Variants in TTC28 observed in about 807,000 individuals in gnomAD.
TTC28 encodes tetratricopeptide repeat domain 28.
Under a neutral mutation model 198.0 loss-of-function variants are expected in TTC28, and 61 were observed. The observed-to-expected ratio is 0.31, with a 90% CI of 0.25 to 0.38. TTC28 has a LOEUF of 0.38. TTC28 is among the 10% of genes least tolerant of loss of function. The pLI is 1.00. For synonymous variants in TTC28, 1,171 were observed against 1,297.8 expected, an observed-to-expected ratio of 0.90 and a Z score of 2.10; for missense variants, 2,678 against 3,164.0, an observed-to-expected ratio of 0.85 and a Z score of 3.69.
At chr22:28,540,533 T>TA (rs1170547486) in intron 2 of TTC28, among the ~76,000 whole-genome samples, 2 of 152,202 alleles carry the variant, frequency 1.3e-5, no homozygotes, top group African/African-American at 2.4e-5. Flanking sequence ...AAAACACTGT[T>TA]AGAGTATACA....
At chr22:28,380,791 T>C (rs2046482417) in intron 2 of TTC28, among the ~76,000 whole-genome samples, 1 of 152,180 alleles carries the variant, frequency 6.6e-6, no homozygotes. Context: ...TGATAATCTA[T>C]TTAATCCCTA....
chr22:28,655,426 G>A (rs911945169), intron 1 of TTC28, among the ~76,000 whole-genome samples: 1 of 152,128 alleles, frequency 6.6e-6, no homozygotes, highest in Admixed American at 6.5e-5. Flanking sequence ...CTGTGTCTTG[G>A]TACAGACTTC....
chr22:28,220,485 A>G (rs1927769528), intron 5 of TTC28, among the ~76,000 whole-genome samples: 1 of 152,172 alleles, frequency 6.6e-6, no homozygotes, highest in African/African-American at 2.4e-5. Flanking sequence ...GACAGCATTC[A>G]GTTCCTTGCA....
chr22:28,220,350 G>A (rs1927758181), intron 5 of TTC28, among the ~76,000 whole-genome samples: 1 of 152,224 alleles, frequency 6.6e-6, no homozygotes, highest in African/African-American at 2.4e-5. Flanking sequence ...AGTTCTGTGA[G>A]TAAGGAGTCC....
chr22:27,983,349 T>A lies in TTC28; in HGVS notation c.6318A>T (p.Pro2106=). The change falls in exon 23 of 23, where the codon CCA becomes CCT. Residue 2106 remains proline, a synonymous_variant. Transcript: ENST00000397906. ...SVSSKGSIST[P]NSPVKMTLIP... is the part of the protein sequence containing the mutation. ...TCAGAGTCATTTTCACTGGAGAATT[T>A]GGAGTGCTGATGCTCCCTTTGGAGC... 9 of 1,551,806 alleles carry A rather than the reference T, an allele frequency of 5.8e-6. No individual in the cohort carries two copies. Among genetic ancestry groups the A allele is most frequent in the Non-Finnish European group, 7.8e-6 (9 of 1,147,094 alleles).
intron 1 of TTC28, among the ~76,000 whole-genome samples, chr22:28,674,188 A>G (rs186851432): frequency 1.3e-5 from 2 of 150,838 alleles, no homozygotes; most frequent in Non-Finnish European, 2.9e-5. Context: ...AAGCGCTCAC[A>G]GGGATTTCTT....
Position 27,978,145 on chromosome 22 carries a change from T to C in TTC28, c.*4076A>G, listed in dbSNP as rs1444721794. Reference sequence around the variant, plus strand: ...AAATTTCATAATATAAAAAGTTTAATGTCTGGAAATGGTGTAATTTACAAA... The same window carrying C: ...AAATTTCATAATATAAAAAGTTTAACGTCTGGAAATGGTGTAATTTACAAA... On this transcript the variant is annotated 3_prime_UTR_variant, in exon 23 of 23. Transcript: ENST00000397906. The C allele has an allele frequency of 1.3e-5, 2 of 152,168 alleles. No homozygotes were observed. The highest frequency in any genetic ancestry group is 4.8e-5 in the African/African-American group (2 of 41,434). The allele number at this position is 152,168 out of a possible 1,614,324, so 9.4% of individuals were successfully genotyped here. A position where few individuals can be genotyped will look rare whatever the true frequency, so the allele number is the denominator to read the frequency against.
At chr22:28,303,423 T>A (rs985532674) in intron 3 of TTC28, among the ~76,000 whole-genome samples, 27 of 152,186 alleles carry the variant, frequency 1.8e-4, no homozygotes, top group African/African-American at 6.5e-4. Context: ...TATAAAATAA[T>A]ATAAGTATAT....
chr22:28,102,317 C>T (rs553751098), intron 8 of TTC28, among the ~76,000 whole-genome samples: 1 of 152,254 alleles, frequency 6.6e-6, no homozygotes, highest in Non-Finnish European at 1.5e-5. Context: ...TGTGCCTCAG[C>T]GGGGTTGCAA....
chr22:28,361,874 C>CT (rs1441074903), intron 2 of TTC28, among the ~76,000 whole-genome samples: 3 of 152,184 alleles, frequency 2.0e-5, no homozygotes, highest in African/African-American at 7.2e-5. Flanking sequence ...CACCTATGCC[C>CT]TACAAATGAA....
intron 2 of TTC28, among the ~76,000 whole-genome samples, chr22:28,357,315 A>ATTTTTTTTTTTTTTTTTTTTTTTT (rs11415868): frequency 8.8e-6 from 1 of 113,486 alleles, no homozygotes; most frequent in Non-Finnish European, 1.7e-5. Context: ...CAAATTTCTT[A>ATTTTTTTTTTTTTTTTTTTTTTTT]TTTTTTTTTT....
intron 2 of TTC28, among the ~76,000 whole-genome samples, chr22:28,566,365 G>A (rs572392172): frequency 6.6e-5 from 10 of 152,228 alleles, no homozygotes; most frequent in Non-Finnish European, 1.3e-4. Flanking sequence ...GAGGATACCC[G>A]AAAGACTGAG....
chr22:28,004,643 T>C (rs1937860699), intron 14 of TTC28, among the ~76,000 whole-genome samples: 1 of 152,172 alleles, frequency 6.6e-6, no homozygotes, highest in Non-Finnish European at 1.5e-5. Context: ...GTCGCAGCTG[T>C]TCTCTGAAAT....
intron 2 of TTC28, among the ~76,000 whole-genome samples, chr22:28,489,826 G>C (rs971213935): frequency 2.0e-5 from 3 of 152,044 alleles, no homozygotes; most frequent in African/African-American, 7.2e-5. Flanking sequence ...GGGTGTATTA[G>C]GGTTCTCTAG....
At chr22:28,087,928 T>C (rs1217272014) in intron 12 of TTC28, among the ~76,000 whole-genome samples, 5 of 152,016 alleles carry the variant, frequency 3.3e-5, no homozygotes, top group African/African-American at 1.2e-4. Context: ...TCAAAGAGAA[T>C]AAAATACCTA....
At chr22:28,360,021 T>C (rs956952761) in intron 2 of TTC28, among the ~76,000 whole-genome samples, 1 of 152,168 alleles carries the variant, frequency 6.6e-6, no homozygotes, top group South Asian at 2.1e-4. Context: ...AGAAGTAATT[T>C]ATCCAAGATG....
intron 2 of TTC28, among the ~76,000 whole-genome samples, chr22:28,512,156 A>G (rs756934007): frequency 1.6e-4 from 25 of 152,202 alleles, no homozygotes; most frequent in Non-Finnish European, 3.1e-4. Context: ...CACTTCTCAA[A>G]AGAAGACATA....
At chr22:28,553,041 G>A (rs964309274) in intron 2 of TTC28, among the ~76,000 whole-genome samples, 158 of 152,176 alleles carry the variant, frequency 1.0e-3, no homozygotes, top group Middle Eastern at 6.8e-3. Flanking sequence ...CGCCAGCCTC[G>A]GCCTCCCGAG....
At chr22:28,019,167 T>C (rs1327912955) in intron 13 of TTC28, among the ~76,000 whole-genome samples, 4 of 152,356 alleles carry the variant, frequency 2.6e-5, no homozygotes, top group African/African-American at 9.6e-5. Context: ...GCTGTGACTC[T>C]GGCAAGGAAT....
Sources: allele counts gnomAD v4.1 joint callset (sites outside exome capture counted in the v4.1 genomes callset), GRCh38; gene constraint gnomAD v4.1.1; transcripts MANE v1.5; gene names NCBI Gene and HGNC (gene_info 2026-07-23, HGNC 2026-07-21).